LUZP2: variants seen among roughly 807,000 people sequenced by gnomAD.
LUZP2 encodes leucine zipper protein 2.
In LUZP2, 52 loss-of-function variants were observed where a neutral mutation model predicts 51.6. The ratio of observed to expected loss-of-function variants is 1.01; its 90% CI spans 0.81 to 1.27. The LOEUF (loss-of-function observed/expected upper bound fraction) is 1.27, where lower values mean the gene tolerates loss of function less well. Ranked by LOEUF, LUZP2 falls within the 50% of genes most tolerant of loss-of-function variation. The pLI is 0.00. For synonymous variants in LUZP2, 154 were observed against 137.3 expected (o/e 1.12, Z -0.85); for missense variants, 436 against 395.4 (o/e 1.10, Z -0.87).
intron 1 of LUZP2, among the ~76,000 whole-genome samples, chr11:24,503,174 G>C (rs1278962545): frequency 6.6e-6 from 1 of 152,118 alleles, no homozygotes; most frequent in East Asian, 1.9e-4. Context: ...CAACTAGTTT[G>C]CACATACATT....
chr11:24,652,823 A>G (rs1855670818), intron 1 of LUZP2, among the ~76,000 whole-genome samples: 1 of 152,202 alleles, frequency 6.6e-6, no homozygotes, highest in South Asian at 2.1e-4. Context: ...TATGCCTGCC[A>G]CATTATTTGA....
intron 5 of LUZP2, among the ~76,000 whole-genome samples, chr11:24,798,661 C>T (rs750783506): frequency 7.2e-5 from 11 of 152,036 alleles, no homozygotes; most frequent in African/African-American, 1.7e-4. Flanking sequence ...GCAGAATGGG[C>T]GTATAGGCTG....
At chr11:24,633,964 G>GTGTATATA (rs141308575) in intron 1 of LUZP2, among the ~76,000 whole-genome samples, 33 of 149,130 alleles carry the variant, frequency 2.2e-4, no homozygotes, top group Admixed American at 1.1e-3. Flanking sequence ...GTGTGTGTGT[G>GTGTATATA]TATATATAGT....
At chr11:24,562,728 G>T (rs757523355) in intron 1 of LUZP2, among the ~76,000 whole-genome samples, 1 of 151,504 alleles carries the variant, frequency 6.6e-6, no homozygotes, top group African/African-American at 2.4e-5. Context: ...TGGGCGTGGT[G>T]GTGGGCGCCT....
chr11:25,045,576 A>T (rs1159052384), intron 9 of LUZP2, among the ~76,000 whole-genome samples: 1 of 152,184 alleles, frequency 6.6e-6, no homozygotes, highest in African/African-American at 2.4e-5. Flanking sequence ...AAATCTGGGC[A>T]CATTTTAATA....
At chr11:24,990,071 G>A (rs796978204) in intron 9 of LUZP2, among the ~76,000 whole-genome samples, 2 of 152,086 alleles carry the variant, frequency 1.3e-5, no homozygotes, top group African/African-American at 2.4e-5. Flanking sequence ...TGGGGTCTAT[G>A]CCCCCTTTCT....
At chr11:24,673,281 T>C (rs1590329496) in intron 1 of LUZP2, among the ~76,000 whole-genome samples, 1 of 152,180 alleles carries the variant, frequency 6.6e-6, no homozygotes, top group East Asian at 1.9e-4. Context: ...ATATATCTGG[T>C]TATATCTGGT....
intron 1 of LUZP2, among the ~76,000 whole-genome samples, chr11:24,517,522 A>G (rs1037660569): frequency 2.8e-5 from 4 of 145,162 alleles, no homozygotes; most frequent in Non-Finnish European, 6.0e-5. Flanking sequence ...AATTGTAGGT[A>G]CATATTAAAT....
chr11:24,997,533 G>A (rs1856544388), intron 9 of LUZP2, among the ~76,000 whole-genome samples: 2 of 152,310 alleles, frequency 1.3e-5, no homozygotes, highest in South Asian at 2.1e-4. Context: ...TTTGTCAGAT[G>A]AGTAGGTTGC....
At chr11:24,741,669 G>C (rs912333438) in intron 4 of LUZP2, among the ~76,000 whole-genome samples, 3 of 150,818 alleles carry the variant, frequency 2.0e-5, no homozygotes, top group Non-Finnish European at 4.4e-5. Context: ...ACAGTGTTTC[G>C]TTTTCCATTC....
At chr11:24,582,259 AT>A (rs1284556980) in intron 1 of LUZP2, among the ~76,000 whole-genome samples, 1 of 146,050 alleles carries the variant, frequency 6.8e-6, no homozygotes, top group African/African-American at 2.6e-5. Context: ...CAGTTCTCAC[AT>A]TTTTTAAAAG....
rs980605323 is a variant in LUZP2 at position 24,611,419 on chromosome 11, T to C, written c.62+114114T>C. ...TACATACATACAGCTATATAAGATA[T>C]ATTTTGCACACTAATAAAAGCATAA... On this transcript the variant is annotated intron_variant, in intron 1 of 11. Transcript: ENST00000336930. The surrounding 1 kb of genome is among the most constrained non-coding windows in gnomAD (Gnocchi z 4.6). 6.6e-6 allele frequency among the ~76,000 whole-genome samples: 1 copy of C among 152,198 alleles called. No individual in the cohort carries two copies. Among genetic ancestry groups the C allele is most frequent in the African/African-American group, 2.4e-5 (1 of 41,458 alleles).
chr11:24,791,940 C>G (rs1218894092), intron 5 of LUZP2, among the ~76,000 whole-genome samples: 1 of 140,138 alleles, frequency 7.1e-6, no homozygotes, highest in Non-Finnish European at 1.5e-5. Context: ...TGCTCAGGCC[C>G]TTTTCTTAGT....
chr11:25,011,815 A>T (rs1856992621), intron 9 of LUZP2, among the ~76,000 whole-genome samples: 1 of 151,910 alleles, frequency 6.6e-6, no homozygotes, highest in African/African-American at 2.4e-5. Flanking sequence ...CACCTTGTAG[A>T]TTTATTATTT....
intron 1 of LUZP2, among the ~76,000 whole-genome samples, chr11:24,658,273 T>C (rs1389311907): frequency 3.9e-5 from 6 of 152,152 alleles, no homozygotes; most frequent in East Asian, 1.9e-4. Context: ...TAATGCCGCC[T>C]ATCTACAACT....
rs936664273 is a variant in LUZP2, at chr11:24,970,574, G to A, written c.523-6017G>A. Among the ~76,000 whole-genome samples the A allele has an allele frequency of 2.0e-5, 3 of 152,090 alleles. 1 individual carries two copies. The highest frequency in any genetic ancestry group is 4.1e-4 in the South Asian group (2 of 4,822). ...CGTATGACTGATGAGTCAGAACTTC[G>A]CAAATTTAGCTAGTTGCCAAAATTT... On this transcript the variant is annotated intron_variant, in intron 7 of 11. Transcript: ENST00000336930.
chr11:24,955,654 C>A (rs1353075138), intron 7 of LUZP2, among the ~76,000 whole-genome samples: 1 of 151,910 alleles, frequency 6.6e-6, no homozygotes, highest in Admixed American at 6.6e-5. Flanking sequence ...TTGGCTTGTT[C>A]AGGGGGATTT....
intron 10 of LUZP2, among the ~76,000 whole-genome samples, chr11:25,053,950 G>A (rs1858602305): frequency 6.6e-6 from 1 of 152,086 alleles, no homozygotes. Flanking sequence ...TTCTCAGAAA[G>A]GTAAAATTCT....
At chr11:24,899,800 A>C (rs1482470394) in intron 5 of LUZP2, among the ~76,000 whole-genome samples, 1 of 152,158 alleles carries the variant, frequency 6.6e-6, no homozygotes, top group Non-Finnish European at 1.5e-5. Flanking sequence ...AATTTCATGA[A>C]GCAATAACTG....
Sources: gnomAD v4.1 joint callset for allele counts (sites outside exome capture counted in the v4.1 genomes callset) on GRCh38, gnomAD v4.1.1 for gene constraint, Gnocchi (gnomAD v3.1) non-coding constraint, MANE v1.5 for transcripts, NCBI Gene and HGNC (gene_info 2026-07-23, HGNC 2026-07-21) for gene names.